The following TDRD5 variants were observed in gnomAD, a reference collection of about 807,000 sequenced individuals.
TDRD5 encodes the protein tudor domain-containing protein 5.
A neutral mutation model predicts 120.6 loss-of-function variants in TDRD5; 41 were observed. That is an observed-to-expected ratio of 0.34 (90% CI 0.26 to 0.44). The LOEUF is 0.44. TDRD5 is among the 20% of genes least tolerant of loss of function. TDRD5 has a pLI of 1.00. For missense variants in TDRD5, 1,006 were observed against 1,221.2 expected (o/e 0.82, Z 2.63); for synonymous variants, 430 against 433.7 (o/e 0.99, Z 0.11).
intron 4 of TDRD5, among the ~76,000 whole-genome samples, chr1:179,605,366 G>T (rs1380687974): frequency 6.6e-6 from 1 of 152,090 alleles, no homozygotes; most frequent in African/African-American, 2.4e-5. Context: ...TAGGCCATTT[G>T]CATTCGATGT....
chr1:179,649,609 A>G (rs1355156434), intron 11 of TDRD5, among the ~76,000 whole-genome samples: 1 of 152,122 alleles, frequency 6.6e-6, no homozygotes, highest in African/African-American at 2.4e-5. Context: ...ATAGATTGCT[A>G]ATTTCTGCTA....
At chr1:179,647,399 T>A (rs1350216802) in intron 11 of TDRD5, among the ~76,000 whole-genome samples, 1 of 151,604 alleles carries the variant, frequency 6.6e-6, no homozygotes, top group Non-Finnish European at 1.5e-5. Flanking sequence ...GCTAGCCATA[T>A]GTAGAAAGCT....
chr1:179,622,696 T>A (rs998356716), intron 6 of TDRD5, among the ~76,000 whole-genome samples: 2 of 152,084 alleles, frequency 1.3e-5, no homozygotes, highest in African/African-American at 4.8e-5. Context: ...TCAAGACAGA[T>A]CAATAGAAAT....
intron 15 of TDRD5, among the ~76,000 whole-genome samples, chr1:179,662,685 G>A (rs924275482): frequency 1.3e-5 from 2 of 152,098 alleles, no homozygotes; most frequent in African/African-American, 4.8e-5. Context: ...ATATATTCTG[G>A]AATTCAAAAG....
intron 17 of TDRD5, among the ~76,000 whole-genome samples, chr1:179,673,503 C>A (rs555607234): frequency 6.6e-6 from 1 of 152,178 alleles, no homozygotes; most frequent in East Asian, 1.9e-4. Flanking sequence ...GGTCAGGGCA[C>A]AGCTTGGTTT....
intron 4 of TDRD5, among the ~76,000 whole-genome samples, chr1:179,607,821 A>C (rs1020571319): frequency 6.6e-6 from 1 of 151,984 alleles, no homozygotes; most frequent in Non-Finnish European, 1.5e-5. Flanking sequence ...TATTAAAAAC[A>C]TAAAAGTCAA....
At chr1:179,635,950 T>C in intron 9 of TDRD5, 63 bp downstream of exon 9, 2 of 1,492,994 alleles carry the variant, frequency 1.3e-6, no homozygotes, top group Non-Finnish European at 1.8e-6. Context: ...TTCTCAAACA[T>C]TTCGGTTTCA....
chr1:179,593,146 T>C (rs1675208574), intron 2 of TDRD5, among the ~76,000 whole-genome samples: 1 of 152,220 alleles, frequency 6.6e-6, no homozygotes, highest in African/African-American at 2.4e-5. Context: ...TAAAAACATG[T>C]TTTAAATTTC....
At chr1:179,662,861 C>G (rs1402488583) in intron 15 of TDRD5, among the ~76,000 whole-genome samples, 3 of 151,974 alleles carry the variant, frequency 2.0e-5, no homozygotes, top group African/African-American at 7.3e-5. Flanking sequence ...TAGTCAAGGC[C>G]CTTAGGATCT....
At chr1:179,629,446 T>G (rs1043759432) in intron 6 of TDRD5, among the ~76,000 whole-genome samples, 32 of 133,272 alleles carry the variant, frequency 2.4e-4, no homozygotes, top group Non-Finnish European at 5.1e-5. Context: ...ATACACTAAT[T>G]GAGTTTTTCA....
intron 4 of TDRD5, among the ~76,000 whole-genome samples, chr1:179,605,545 A>G (rs1487369332): frequency 6.6e-6 from 1 of 152,114 alleles, no homozygotes; most frequent in African/African-American, 2.4e-5. Context: ...CAAATATGTA[A>G]TGACATATAT....
At chr1:179,682,113 C>A (rs1279036413) in intron 17 of TDRD5, among the ~76,000 whole-genome samples, 1 of 148,360 alleles carries the variant, frequency 6.7e-6, no homozygotes, top group Non-Finnish European at 1.5e-5. Context: ...CTTTTGAATT[C>A]TATCTGTGTC....
intron 6 of TDRD5, among the ~76,000 whole-genome samples, chr1:179,627,119 TA>T (rs558783807): frequency 5.6e-4 from 86 of 152,350 alleles, no homozygotes; most frequent in Admixed American, 2.0e-4. Context: ...GTGACTTATA[TA>T]CTCAAAACAT....
In TDRD5 at chr1:179,690,908, C is replaced by T; in HGVS notation, c.3073C>T (p.His1025Tyr). 6.2e-7 allele frequency: 1 copy of T among 1,613,610 alleles called. No individual in the cohort carries two copies. The highest frequency in any genetic ancestry group is 2.2e-5 in the East Asian group (1 of 44,876). The change falls in exon 18 of 18, where the codon CAC (histidine) becomes TAC (tyrosine). Residue 1025 changes from histidine (H) to tyrosine (Y), a missense_variant. This residue lies in a region of TDRD5 where 403 missense variants were observed against 448.1 expected (regional missense o/e 0.90). Coordinates refer to ENST00000444136, the MANE Select transcript of TDRD5 (RefSeq NM_001199085.3). ...GTTAGCTACATCCAGGAGCCTCCTA[C>T]ACTGGTACCCCAGTGTGAAAAGGAT... ...ARLATSRSLLHWYPSVKRMEA is the reference protein window; with the variant it reads ...ARLATSRSLLYWYPSVKRMEA
intron 4 of TDRD5, among the ~76,000 whole-genome samples, chr1:179,607,771 A>C (rs1676053659): frequency 6.6e-6 from 1 of 151,864 alleles, no homozygotes; most frequent in Non-Finnish European, 1.5e-5. Context: ...TGCTTAGAAA[A>C]TGTTTAAGGT....
At chr1:179,597,509 T>C (rs1572324807) in intron 4 of TDRD5, among the ~76,000 whole-genome samples, 1 of 151,912 alleles carries the variant, frequency 6.6e-6, no homozygotes, top group African/African-American at 2.4e-5. Flanking sequence ...TTTTTGTATT[T>C]TTATTAGAGA....
chr1:179,593,973 A>C (rs1375208904), intron 3 of TDRD5, 106 bp downstream of exon 3: 10 of 1,409,494 alleles, frequency 7.1e-6, no homozygotes, highest in Non-Finnish European at 8.6e-6. Context: ...ACTACTTGCC[A>C]GCTGAGTGGT....
chr1:179,624,706 C>A (rs183971512), intron 6 of TDRD5, among the ~76,000 whole-genome samples: 2 of 152,024 alleles, frequency 1.3e-5, no homozygotes, highest in East Asian at 3.9e-4. Flanking sequence ...TCATGTACAC[C>A]GAAAACTAAT....
chr1:179,597,660 T>G (rs1171187343), intron 4 of TDRD5, among the ~76,000 whole-genome samples: 1 of 152,192 alleles, frequency 6.6e-6, no homozygotes, highest in Non-Finnish European at 1.5e-5. Flanking sequence ...GCCTATCTAA[T>G]GGATTTTAAT....
Sources: gnomAD v4.1 joint callset for allele counts (sites outside exome capture counted in the v4.1 genomes callset) on GRCh38, gnomAD v4.1.1 for gene constraint, gnomAD v4.1.1 regional missense constraint, MANE v1.5 for transcripts, NCBI Gene and HGNC (gene_info 2026-07-23, HGNC 2026-07-21) for gene names.